TMEM117: variants seen among roughly 807,000 people sequenced by gnomAD.
TMEM117 encodes transmembrane protein 117.
A neutral mutation model predicts 52.4 loss-of-function variants in TMEM117; 27 were observed. The ratio of observed to expected loss-of-function variants is 0.51; its 90% confidence interval spans 0.38 to 0.71. TMEM117 has a LOEUF of 0.71. Ranked by LOEUF, TMEM117 falls within the 30% of genes least tolerant of loss-of-function variation. The pLI is 0.00. For missense variants in TMEM117, 556 were observed against 630.5 expected, an observed-to-expected ratio of 0.88 and a Z score of 1.26; for synonymous variants, 215 against 206.3, an observed-to-expected ratio of 1.04 and a Z score of -0.36.
chr12:43,903,461 T>G (rs905037516), intron 2 of TMEM117, among the ~76,000 whole-genome samples: 4 of 152,272 alleles, frequency 2.6e-5, no homozygotes, highest in African/African-American at 9.6e-5. Flanking sequence ...AGCAGAACAT[T>G]TTGTTAGAAT....
intron 3 of TMEM117, among the ~76,000 whole-genome samples, chr12:44,096,954 C>A (rs996994719): frequency 1.2e-4 from 18 of 151,894 alleles, no homozygotes; most frequent in Non-Finnish European, 1.8e-4. Context: ...AAAATTTTCA[C>A]AACCTACTCA....
chr12:44,001,356 C>T (rs186625246), intron 3 of TMEM117, among the ~76,000 whole-genome samples: 2 of 152,118 alleles, frequency 1.3e-5, no homozygotes, highest in Admixed American at 6.6e-5. Flanking sequence ...GAGAGGTGCT[C>T]TAAGATAGTA....
At chr12:43,799,965 C>T in the TMEM117 span, among the ~76,000 whole-genome samples, 2 of 151,960 alleles carry the variant, frequency 1.3e-5, no homozygotes, top group Non-Finnish European at 2.9e-5. Flanking sequence ...AAGAGGTCTA[C>T]CTATCATCAA....
In TMEM117 at chr12:44,299,699, C is replaced by G. The variant is rs774871637; in HGVS notation, c.728C>G (p.Ala243Gly). Residue 243 changes from alanine to glycine, a missense_variant, in exon 6 of 8, where the codon GCT becomes GGT. Coordinates refer to ENST00000266534, the MANE Select transcript of TMEM117 (RefSeq NM_032256.3). Reference sequence around the variant, plus strand: ...GATGAAGTTTCCAGAGCATTCCTTGCTTCTTTTATCTTGGTCTTTGACCTT... The same window carrying G: ...GATGAAGTTTCCAGAGCATTCCTTGGTTCTTTTATCTTGGTCTTTGACCTT... ...PSDEVSRAFL[A>G]SFILVFDLLI... 1.2e-6 allele frequency: 2 copies of G among 1,614,118 alleles called. No homozygotes were observed. Among genetic ancestry groups the G allele is most frequent in the Non-Finnish European group, 1.7e-6 (2 of 1,180,002 alleles).
rs149780053 is a variant in TMEM117, at chr12:43,997,085, T to C, written c.410+52743T>C. On this transcript the variant is annotated intron_variant, in intron 3 of 7. Transcript: ENST00000266534. ...GATTTCTGTGGCATTTTACAAAATGTTCTAATACATTTGCTTTAGAAGGGT... is the reference window on the plus strand; with the variant it reads ...GATTTCTGTGGCATTTTACAAAATGCTCTAATACATTTGCTTTAGAAGGGT... Among the ~76,000 whole-genome samples the C allele has an allele frequency of 7.6e-3, 1,163 of 152,328 alleles. 10 individuals are homozygous for C. The highest frequency in any genetic ancestry group is 0.027 in the African/African-American group (1,105 of 41,566).
chr12:44,028,104 A>G (rs574108608), intron 3 of TMEM117, among the ~76,000 whole-genome samples: 1 of 152,242 alleles, frequency 6.6e-6, no homozygotes, highest in South Asian at 2.1e-4. Flanking sequence ...GAGGCAGAAG[A>G]ATGGTGTGAA....
rs1361479424 is a variant in TMEM117, at chr12:43,925,168, C to G, written c.278-19042C>G. 2.0e-5 allele frequency among the ~76,000 whole-genome samples: 3 copies of G among 152,010 alleles called. No individual in the cohort carries two copies. In the East Asian group the frequency reaches 5.8e-4, roughly 29 times the overall value. On this transcript the variant is annotated intron_variant, in intron 2 of 7. Coordinates refer to ENST00000266534, the MANE Select transcript of TMEM117 (RefSeq NM_032256.3). ...CTTTCACAACCTACCCTTGGAAGTTCCTCATGTCATTTCAACCATATTCTG... is the reference window on the plus strand; with the variant it reads ...CTTTCACAACCTACCCTTGGAAGTTGCTCATGTCATTTCAACCATATTCTG...
chr12:44,170,547 CA>C (rs1208218997), intron 4 of TMEM117, among the ~76,000 whole-genome samples: 1 of 152,078 alleles, frequency 6.6e-6, no homozygotes, highest in Non-Finnish European at 1.5e-5. Flanking sequence ...GTGAGACCTC[CA>C]ACTTTATTTT....
At chr12:44,041,986 C>T (rs1432497425) in intron 3 of TMEM117, among the ~76,000 whole-genome samples, 1 of 152,144 alleles carries the variant, frequency 6.6e-6, no homozygotes, top group Non-Finnish European at 1.5e-5. Flanking sequence ...TCTGGTAGTC[C>T]TAGCCAGAGC....
intron 5 of TMEM117, among the ~76,000 whole-genome samples, chr12:44,282,003 T>C (rs1339102012): frequency 1.3e-5 from 2 of 152,172 alleles, no homozygotes; most frequent in African/African-American, 2.4e-5. Context: ...GGGGAGGTAA[T>C]TGAATCACGG....
At chr12:44,322,225 T>TTC (rs1041215896) in intron 6 of TMEM117, among the ~76,000 whole-genome samples, 3 of 152,202 alleles carry the variant, frequency 2.0e-5, no homozygotes, top group Non-Finnish European at 1.5e-5. Flanking sequence ...CGGGTATTAG[T>TTC]TCTCTCTGCA....
chr12:44,195,954 A>C (rs1343189005), intron 4 of TMEM117, among the ~76,000 whole-genome samples: 3 of 151,790 alleles, frequency 2.0e-5, no homozygotes, highest in Non-Finnish European at 4.4e-5. Context: ...GCATGGTGAC[A>C]CATACTTTGT....
chr12:43,892,985 C>G (rs1944134905), intron 2 of TMEM117, among the ~76,000 whole-genome samples: 1 of 152,122 alleles, frequency 6.6e-6, no homozygotes, highest in Non-Finnish European at 1.5e-5. Context: ...AAGTGAAAAG[C>G]CCAGAGGTGA....
intron 3 of TMEM117, among the ~76,000 whole-genome samples, chr12:44,130,613 T>C (rs983400934): frequency 7.2e-5 from 11 of 152,162 alleles, no homozygotes; most frequent in African/African-American, 2.4e-4. Context: ...ACAGTCTCCA[T>C]TGTAGGACTG....
At chr12:43,991,493 T>A (rs1269491281) in intron 3 of TMEM117, among the ~76,000 whole-genome samples, 1 of 152,076 alleles carries the variant, frequency 6.6e-6, no homozygotes, top group Non-Finnish European at 1.5e-5. Context: ...TCTGTCTATC[T>A]ATCTGTCCAA....
chr12:44,368,453 A>G (rs1272344820), intron 6 of TMEM117, among the ~76,000 whole-genome samples: 8 of 152,104 alleles, frequency 5.3e-5, no homozygotes, highest in Non-Finnish European at 1.2e-4. Context: ...TACTCTCTCC[A>G]TTATTTGTAA....
At chr12:44,123,888 T>G in intron 3 of TMEM117, among the ~76,000 whole-genome samples, 1 of 152,232 alleles carries the variant, frequency 6.6e-6, no homozygotes. Context: ...AGTCATGATC[T>G]TTTTTGGTTT....
At chr12:44,339,981 T>A (rs1592704425) in intron 6 of TMEM117, among the ~76,000 whole-genome samples, 1 of 152,112 alleles carries the variant, frequency 6.6e-6, no homozygotes, top group African/African-American at 2.4e-5. Flanking sequence ...TGCCAGATAT[T>A]AAAATATTGT....
intron 2 of TMEM117, among the ~76,000 whole-genome samples, chr12:43,898,137 A>G (rs1944242160): frequency 6.6e-6 from 1 of 152,050 alleles, no homozygotes; most frequent in Non-Finnish European, 1.5e-5. Context: ...CTGAAACTTA[A>G]CAGCTCAAAA....
Sources: gnomAD v4.1 joint callset for allele counts (sites outside exome capture counted in the v4.1 genomes callset) on GRCh38, gnomAD v4.1.1 for gene constraint, MANE v1.5 for transcripts, NCBI Gene and HGNC (gene_info 2026-07-23, HGNC 2026-07-21) for gene names.